Variants in SFMBT2 observed in about 807,000 individuals in gnomAD.
SFMBT2 encodes the protein Scm like with four mbt domains 2.
In SFMBT2, 38 loss-of-function variants were observed where a neutral mutation model predicts 110.1. The ratio of observed to expected loss-of-function variants is 0.35; its 90% CI spans 0.27 to 0.45. The LOEUF is 0.45. Among genes scored for constraint, SFMBT2 ranks in the 20% least tolerant of loss-of-function variants. The probability of loss-of-function intolerance (pLI) is 1.00; values close to 1 mark genes in which losing one functional copy is unlikely to be tolerated. For missense variants in SFMBT2, 1,011 were observed against 1,094.9 expected (o/e 0.92, Z 1.08); for synonymous variants, 425 against 425.4 (o/e 1.00, Z 0.01).
intron 12 of SFMBT2, chr10:7,205,408 G>C (rs1839096759): frequency 4.1e-6 from 4 of 985,036 alleles, no homozygotes; most frequent in Non-Finnish European, 4.8e-6. Flanking sequence ...GTGTTTATAA[G>C]AATGTCAGTA....
chr10:7,206,489 T>C, intron 11 of SFMBT2: 16 of 985,136 alleles, frequency 1.6e-5, no homozygotes, highest in Non-Finnish European at 1.6e-5. Context: ...GGCCCTTCTC[T>C]AGGAAACCTG....
At chr10:7,370,544 G>GTT (rs1176211907) in intron 2 of SFMBT2, among the ~76,000 whole-genome samples, 169 bp from the exon 3 acceptor site, 2 of 152,210 alleles carry the variant, frequency 1.3e-5, no homozygotes, top group African/African-American at 4.8e-5. Context: ...TTTTAGAAGT[G>GTT]TTGACTAAAG....
intron 10 of SFMBT2, 112 bp downstream of exon 10, chr10:7,227,743 C>T: frequency 1.2e-6 from 1 of 845,880 alleles, no homozygotes; most frequent in Non-Finnish European, 1.9e-6. Context: ...TTGTAGTTCT[C>T]CAGTGCACTG....
intron 4 of SFMBT2, among the ~76,000 whole-genome samples, chr10:7,343,902 TG>T (rs1487563751): frequency 1.3e-5 from 2 of 152,222 alleles, no homozygotes; most frequent in Non-Finnish European, 2.9e-5. Context: ...AATCTTGGCA[TG>T]GTTGTTGGAT....
intron 4 of SFMBT2, among the ~76,000 whole-genome samples, chr10:7,328,006 T>C (rs1245425178): frequency 6.6e-6 from 1 of 152,194 alleles, no homozygotes; most frequent in Non-Finnish European, 1.5e-5. Context: ...CTGGGTTGTA[T>C]GGTGGGTGTA....
chr10:7,187,418 G>A (rs1265676426), intron 16 of SFMBT2, among the ~76,000 whole-genome samples: 1 of 152,206 alleles, frequency 6.6e-6, no homozygotes, highest in Non-Finnish European at 1.5e-5. Context: ...TATAGGTGAA[G>A]CTCACTTAAA....
chr10:7,273,309 A>G (rs925251530), intron 7 of SFMBT2, among the ~76,000 whole-genome samples: 1 of 152,210 alleles, frequency 6.6e-6, no homozygotes, highest in Non-Finnish European at 1.5e-5. Flanking sequence ...TTTTGACTAC[A>G]CTAAAAAGAT....
At chr10:7,324,990 C>T (rs1275584189) in intron 4 of SFMBT2, among the ~76,000 whole-genome samples, 5 of 103,052 alleles carry the variant, frequency 4.9e-5, no homozygotes, top group African/African-American at 1.2e-4. Flanking sequence ...TTTTTTGAGA[C>T]GGAGTCTCGC....
chr10:7,315,022 GAGAGAAAGAAAGAA>G (rs1321512566), intron 4 of SFMBT2, among the ~76,000 whole-genome samples: 2 of 112,364 alleles, frequency 1.8e-5, no homozygotes, highest in South Asian at 2.8e-4. Context: ...AAAGAAAAGA[GAGAGAAAGAAAGAA>G]AGAGAAAGAA....
At chr10:7,227,727 G>T in intron 10 of SFMBT2, 128 bp downstream of exon 10, 1 of 750,100 alleles carries the variant, frequency 1.3e-6, no homozygotes, top group South Asian at 1.7e-5. Flanking sequence ...AAAAACTACA[G>T]ACATTTTGTA....
At chr10:7,335,313 T>C (rs924800446) in intron 4 of SFMBT2, among the ~76,000 whole-genome samples, 6 of 152,164 alleles carry the variant, frequency 3.9e-5, no homozygotes, top group Non-Finnish European at 7.4e-5. Flanking sequence ...TATTTGACAA[T>C]TTTTAAAATC....
intron 4 of SFMBT2, chr10:7,292,288 A>C (rs1344864086): frequency 4.1e-6 from 1 of 244,076 alleles, no homozygotes; most frequent in Non-Finnish European, 6.6e-6. Context: ...GCAACAGTAC[A>C]CCTTGAATGA....
intron 16 of SFMBT2, among the ~76,000 whole-genome samples, chr10:7,177,552 T>C (rs965426362): frequency 2.6e-5 from 4 of 152,038 alleles, no homozygotes; most frequent in Non-Finnish European, 5.9e-5. Flanking sequence ...CCTAATCCCA[T>C]AGGAGTGGCG....
At chr10:7,332,029 A>AAG (rs1843574471) in intron 4 of SFMBT2, among the ~76,000 whole-genome samples, 3 of 140,488 alleles carry the variant, frequency 2.1e-5, no homozygotes, top group African/African-American at 8.1e-5. Context: ...AAAAAAAAAA[A>AAG]AAAAAAAAGG....
chr10:7,379,794 G>T (rs1564467195), intron 2 of SFMBT2, among the ~76,000 whole-genome samples: 1 of 152,166 alleles, frequency 6.6e-6, no homozygotes, highest in Non-Finnish European at 1.5e-5. Context: ...GTATACATGG[G>T]TTTTCTGCAT....
In SFMBT2 at chr10:7,402,036, CGGA is replaced by C. The variant is rs370911686; in HGVS notation, c.-52+8822_-52+8824del. 2.0e-5 allele frequency among the ~76,000 whole-genome samples: 3 copies of C among 150,746 alleles called. No individual in the cohort carries two copies. In the East Asian group the frequency reaches 5.9e-4, roughly 29 times the overall value. On this transcript the variant is annotated intron_variant, in intron 1 of 20. Transcript: ENST00000397167. ...TGACAGATATAATGCAGACAGGAGA[CGGA>C]GAGCTCTTGCATTGCCAGGGAGTAG...
intron 10 of SFMBT2, among the ~76,000 whole-genome samples, chr10:7,221,307 C>T (rs1839728477): frequency 6.6e-6 from 1 of 151,998 alleles, no homozygotes; most frequent in Non-Finnish European, 1.5e-5. Context: ...TGGCTCATGC[C>T]TGTAATCCCA....
In SFMBT2 at chr10:7,371,920, A is replaced by ATTTTTT. The variant is rs762872004; in HGVS notation, c.101-1551_101-1546dup. On this transcript the variant is annotated intron_variant, in intron 2 of 20. Coordinates refer to ENST00000397167, the MANE Select transcript of SFMBT2 (RefSeq NM_001387889.1). ...TATCACTACTTTTTGTCCACCTGTA[A>ATTTTTT]TTTTTTTTTTTTTTTTTTTTTTTTG... Among the ~76,000 whole-genome samples the ATTTTTT allele has an allele frequency of 2.1e-3, 161 of 77,712 alleles. 9 individuals are homozygous for ATTTTTT. The highest frequency in any genetic ancestry group is 0.012 in the Middle Eastern group (1 of 86). 51.0% of individuals were successfully genotyped at this position (77,712 alleles called of 152,430 possible). A position where few individuals can be genotyped will look rare whatever the true frequency, so the allele number is the denominator to read the frequency against.
chr10:7,381,934 C>A lies in SFMBT2; in HGVS notation c.-36G>T. 1 of 1,521,742 alleles carries A rather than the reference C, an allele frequency of 6.6e-7. No individual in the cohort carries two copies. The highest frequency in any genetic ancestry group is 8.9e-7 in the Non-Finnish European group (1 of 1,128,296). The allele number at this position is 1,521,742 out of a possible 1,614,324, so 94.3% of individuals were successfully genotyped here. ...CAAGTGTCTCTTCTCTTAATTCATC[C>A]TGCAGAAAAAATTACCTAAGAGCAA... On this transcript the variant is annotated 5_prime_UTR_variant, in exon 2 of 21. In the 5' UTR this introduces an upstream ATG that the reference lacks. Transcript: ENST00000397167.
Sources: allele counts gnomAD v4.1 joint callset (sites outside exome capture counted in the v4.1 genomes callset), GRCh38; gene constraint gnomAD v4.1.1; transcripts MANE v1.5; gene names NCBI Gene and HGNC (gene_info 2026-07-23, HGNC 2026-07-21).